PSD3: variants seen among roughly 807,000 people sequenced by gnomAD.
PSD3 encodes the protein pleckstrin and Sec7 domain containing 3, also known as PH and SEC7 domain-containing protein 3.
A neutral mutation model predicts 105.5 loss-of-function variants in PSD3; 49 were observed. That is an observed-to-expected ratio of 0.46 (90% CI 0.37 to 0.59). The LOEUF (loss-of-function observed/expected upper bound fraction) is 0.59, where lower values mean the gene tolerates loss of function less well. Ranked by LOEUF, PSD3 falls within the 20% of genes least tolerant of loss-of-function variation. PSD3 has a pLI of 0.00. For synonymous variants in PSD3, 557 were observed against 457.8 expected (o/e 1.22, Z -2.77); for missense variants, 1,561 against 1,263.8 (o/e 1.24, Z -3.57).
chr8:19,051,476 C>A (rs1828527390), intron 1 of PSD3, among the ~76,000 whole-genome samples: 1 of 152,200 alleles, frequency 6.6e-6, no homozygotes, highest in African/African-American at 2.4e-5. Context: ...CCACATAGTG[C>A]TGGCACATAC....
intron 1 of PSD3, among the ~76,000 whole-genome samples, chr8:18,987,635 C>T (rs1326389224): frequency 6.6e-6 from 1 of 151,970 alleles, no homozygotes; most frequent in Non-Finnish European, 1.5e-5. Flanking sequence ...CTGGGCAACA[C>T]AGTGAAACCC....
Position 18,802,600 on chromosome 8 carries a change from T to C in PSD3, c.1911-1218A>G, listed in dbSNP as rs79741574. Among the ~76,000 whole-genome samples, 1,416 of 152,256 alleles carry C rather than the reference T, an allele frequency of 9.3e-3. 29 individuals are homozygous for C. The highest frequency in any genetic ancestry group is 0.04 in the Admixed American group (614 of 15,288). On this transcript the variant is annotated intron_variant, in intron 6 of 15. Coordinates refer to ENST00000327040, the MANE Select transcript of PSD3 (RefSeq NM_015310.4). Reference sequence around the variant, plus strand: ...ACTGATAACTGTTTTTGTTAGAAAATCTGAGTACCTTTGCTGCATGAAAAG... The same window carrying C: ...ACTGATAACTGTTTTTGTTAGAAAACCTGAGTACCTTTGCTGCATGAAAAG...
At chr8:18,964,435 T>C (rs1227398630) in intron 1 of PSD3, among the ~76,000 whole-genome samples, 5 of 151,686 alleles carry the variant, frequency 3.3e-5, no homozygotes, top group African/African-American at 1.2e-4. Context: ...TTAATAACTC[T>C]TGTTACACAA....
At chr8:18,562,402 G>C (rs1008663645) in intron 14 of PSD3, among the ~76,000 whole-genome samples, 9 of 152,212 alleles carry the variant, frequency 5.9e-5, no homozygotes, top group Non-Finnish European at 1.3e-4. Context: ...AAGTCACCTT[G>C]GAACAGCCTT....
At chr8:18,968,097 T>C (rs1247579291) in intron 1 of PSD3, among the ~76,000 whole-genome samples, 2 of 152,284 alleles carry the variant, frequency 1.3e-5, no homozygotes, top group Non-Finnish European at 2.9e-5. Flanking sequence ...AACAGAAATT[T>C]ATGTCCACAT....
intron 4 of PSD3, among the ~76,000 whole-genome samples, chr8:18,826,876 T>G (rs184870499): frequency 1.3e-5 from 2 of 152,302 alleles, no homozygotes; most frequent in East Asian, 1.9e-4. Flanking sequence ...ATAATATAAT[T>G]AGTACCAGCT....
rs1272324219 is a variant in PSD3 at position 18,872,012 on chromosome 8, A to G, written c.852T>C (p.Cys284=). 6.2e-7 allele frequency: 1 copy of G among 1,614,136 alleles called. No individual in the cohort carries two copies. Among genetic ancestry groups the G allele is most frequent in the East Asian group, 2.2e-5 (1 of 44,862 alleles). The change falls in exon 3 of 16, where the codon TGT becomes TGC. Residue 284 remains cysteine (C), a synonymous_variant. Transcript: ENST00000327040. ...GGCGTCCCATGGAGCTGCTTCGATC[A>G]CATCCCCCTGGGTGCTCTCTCCCAA... ...SALGREHPGG[C]DRSSSMGRPG...
At position 18,963,388 on chromosome 8, in the gene PSD3, C is replaced by A. The variant is rs143597427; in HGVS notation, c.22-27246G>T. On this transcript the variant is annotated intron_variant, in intron 1 of 15. Transcript: ENST00000327040. ...ACTAAAAATTTCCTTCAAAACTTTT[C>A]TCATGCAAATACCAGAGCCTCTGAC... Among the ~76,000 whole-genome samples the A allele has an allele frequency of 3.0e-3, 451 of 152,300 alleles. 3 individuals are homozygous for A. Among genetic ancestry groups the A allele is most frequent in the African/African-American group, 0.01 (435 of 41,572 alleles).
At chr8:18,785,972 CA>C (rs1809106693) in intron 8 of PSD3, among the ~76,000 whole-genome samples, 1 of 152,186 alleles carries the variant, frequency 6.6e-6, no homozygotes, top group Non-Finnish European at 1.5e-5. Flanking sequence ...AGGGTTCCAT[CA>C]ACCTTCACTT....
intron 4 of PSD3, among the ~76,000 whole-genome samples, chr8:18,855,773 T>C (rs1460591608): frequency 6.6e-6 from 1 of 152,186 alleles, no homozygotes; most frequent in Non-Finnish European, 1.5e-5. Flanking sequence ...GTTACTTCAC[T>C]ACGTAGGGAA....
chr8:18,786,522 A>T (rs1809174655), intron 8 of PSD3, among the ~76,000 whole-genome samples: 1 of 152,214 alleles, frequency 6.6e-6, no homozygotes, highest in South Asian at 2.1e-4. Context: ...ACCATTATCT[A>T]TGTCAGCACA....
chr8:18,601,512 G>C (rs779579951), intron 11 of PSD3, among the ~76,000 whole-genome samples: 3 of 151,970 alleles, frequency 2.0e-5, no homozygotes, highest in Non-Finnish European at 4.4e-5. Flanking sequence ...CTTAGACTTG[G>C]AACTAGGTGA....
intron 1 of PSD3, among the ~76,000 whole-genome samples, chr8:19,033,855 T>A (rs907911422): frequency 6.6e-6 from 1 of 152,142 alleles, no homozygotes; most frequent in Non-Finnish European, 1.5e-5. Flanking sequence ...CTGGTCATCA[T>A]ACAATGTTGT....
intron 13 of PSD3, 75 bp from the exon 14 acceptor site, chr8:18,572,747 A>G: frequency 6.6e-7 from 1 of 1,507,592 alleles, no homozygotes; most frequent in Middle Eastern, 1.8e-4. Flanking sequence ...ATTTCACGTT[A>G]CTGATTTGCA....
intron 1 of PSD3, among the ~76,000 whole-genome samples, chr8:18,966,458 C>A (rs938117801): frequency 2.0e-5 from 3 of 151,696 alleles, no homozygotes; most frequent in African/African-American, 7.3e-5. Flanking sequence ...GTAATCCCAA[C>A]TACTCGCAAG....
intron 14 of PSD3, among the ~76,000 whole-genome samples, chr8:18,572,137 T>C (rs868304949): frequency 3.9e-5 from 6 of 152,214 alleles, no homozygotes; most frequent in African/African-American, 1.4e-4. Flanking sequence ...TATTTTTGTA[T>C]TTCTAGCACT....
intron 2 of PSD3, among the ~76,000 whole-genome samples, chr8:18,907,957 T>A (rs988026605): frequency 7.9e-5 from 12 of 152,214 alleles, no homozygotes; most frequent in Non-Finnish European, 1.8e-4. Context: ...CAGCAATATA[T>A]CACAAAATTC....
At chr8:18,609,562 T>TTAAAG (rs1805104343) in intron 11 of PSD3, among the ~76,000 whole-genome samples, 1 of 152,180 alleles carries the variant, frequency 6.6e-6, no homozygotes, top group Non-Finnish European at 1.5e-5. Flanking sequence ...ACTAAACAAC[T>TTAAAG]TAAAGTATCT....
chr8:19,039,014 T>C (rs1828037055), intron 1 of PSD3, among the ~76,000 whole-genome samples: 1 of 152,152 alleles, frequency 6.6e-6, no homozygotes, highest in Admixed American at 6.5e-5. Flanking sequence ...TCTTAACCAC[T>C]AAGCCCCCTC....
Sources: allele counts gnomAD v4.1 joint callset (sites outside exome capture counted in the v4.1 genomes callset), GRCh38; gene constraint gnomAD v4.1.1; transcripts MANE v1.5; gene names NCBI Gene and HGNC (gene_info 2026-07-23, HGNC 2026-07-21).